The following THNSL1 variants were observed in gnomAD, a reference collection of about 807,000 sequenced individuals.
THNSL1 encodes the protein threonine synthase-like 1.
In THNSL1, 48 loss-of-function variants were observed where a neutral mutation model predicts 50.4. That is an observed-to-expected ratio of 0.95 (90% confidence interval 0.76 to 1.21). The LOEUF is 1.21. Among genes scored for constraint, THNSL1 ranks in the 50% most tolerant of loss-of-function variants. The pLI is 0.00. For missense variants in THNSL1, 896 were observed against 871.7 expected, an observed-to-expected ratio of 1.03 and a Z score of -0.35; for synonymous variants, 309 against 306.1, an observed-to-expected ratio of 1.01 and a Z score of -0.10.
the THNSL1 span, among the ~76,000 whole-genome samples, chr10:24,973,223 T>C: frequency 1.3e-5 from 2 of 152,102 alleles, no homozygotes; most frequent in African/African-American, 2.4e-5. Flanking sequence ...TCCTGCACTT[T>C]GGAGACATTA....
At chr10:24,994,351 T>C in the THNSL1 span, among the ~76,000 whole-genome samples, 6 of 150,706 alleles carry the variant, frequency 4.0e-5, no homozygotes, top group South Asian at 6.3e-4. Flanking sequence ...TTTTTTTTTT[T>C]GACACCGAGT....
the THNSL1 span, among the ~76,000 whole-genome samples, chr10:24,992,839 C>T: frequency 3.3e-5 from 5 of 152,272 alleles, no homozygotes; most frequent in African/African-American, 4.8e-5. Flanking sequence ...CTCTGGGAGG[C>T]CAGTATTCTG....
chr10:25,024,971 A>G lies in THNSL1; in HGVS notation c.1748A>G (p.Asp583Gly). ...ERHLHLMANK[D>G]GQLMTELFNR... is the part of the protein sequence containing the mutation. ...CATTTACACTTGATGGCTAATAAAG[A>G]TGGACAGCTAATGACAGAATTATTT... The change falls in exon 3 of 3, where the codon GAT becomes GGT. Residue 583 changes from aspartate to glycine, a missense_variant. Transcript: ENST00000376356. 1 of 1,614,206 alleles carries G rather than the reference A, an allele frequency of 6.2e-7. No homozygotes were observed. Among genetic ancestry groups the G allele is most frequent in the Admixed American group, 1.7e-5 (1 of 60,036 alleles).
the THNSL1 span, among the ~76,000 whole-genome samples, chr10:24,963,111 C>T: frequency 6.6e-6 from 1 of 152,196 alleles, no homozygotes; most frequent in Non-Finnish European, 1.5e-5. Context: ...CCACAGAGTA[C>T]AGCTGACACC....
At chr10:24,952,873 C>A in the THNSL1 span, among the ~76,000 whole-genome samples, 11 of 151,758 alleles carry the variant, frequency 7.2e-5, no homozygotes, top group Non-Finnish European at 1.6e-4. This position sits in a 1 kb window ranked among gnomAD's most constrained non-coding sequence, Gnocchi z 5.1. Flanking sequence ...CCGCCGCTGT[C>A]GCCGCCGCCC....
At chr10:24,966,308 T>C in the THNSL1 span, among the ~76,000 whole-genome samples, 3 of 152,212 alleles carry the variant, frequency 2.0e-5, no homozygotes, top group Non-Finnish European at 4.4e-5. Flanking sequence ...AATAATAAAG[T>C]GGCTAATAAA....
At chr10:25,002,812 T>C in the THNSL1 span, among the ~76,000 whole-genome samples, 3 of 152,112 alleles carry the variant, frequency 2.0e-5, no homozygotes, top group Non-Finnish European at 4.4e-5. Context: ...ATGAGCTCAT[T>C]AGATAGTTTC....
the THNSL1 span, among the ~76,000 whole-genome samples, chr10:24,992,755 A>T: frequency 6.6e-6 from 1 of 152,200 alleles, no homozygotes; most frequent in East Asian, 1.9e-4. Flanking sequence ...AACTTAACCC[A>T]TCCTGACTGA....
chr10:24,989,574 A>G, the THNSL1 span, among the ~76,000 whole-genome samples: 2 of 152,194 alleles, frequency 1.3e-5, no homozygotes, highest in African/African-American at 2.4e-5. Flanking sequence ...AAATTGCACA[A>G]TACTCCACTG....
chr10:24,984,674 T>C, the THNSL1 span: 1 of 1,470,822 alleles, frequency 6.8e-7, no homozygotes, highest in Non-Finnish European at 9.1e-7. Flanking sequence ...TGGAGTTTTT[T>C]ATATTTTCCA....
At chr10:24,973,684 G>A in the THNSL1 span, among the ~76,000 whole-genome samples, 1 of 152,038 alleles carries the variant, frequency 6.6e-6, no homozygotes, top group Non-Finnish European at 1.5e-5. Flanking sequence ...TATAAAATTC[G>A]AAGAGAGAAG....
chr10:24,983,089 CAG>C, the THNSL1 span: 1 of 152,200 alleles, frequency 6.6e-6, no homozygotes, highest in Non-Finnish European at 1.5e-5. Flanking sequence ...CCTGGATCAA[CAG>C]AGTCACCAGA....
At chr10:25,001,536 G>T in the THNSL1 span, among the ~76,000 whole-genome samples, 2 of 152,032 alleles carry the variant, frequency 1.3e-5, no homozygotes, top group East Asian at 3.9e-4. Flanking sequence ...AAGCCTCATT[G>T]ATTCTCTGCT....
At chr10:25,001,763 C>T in the THNSL1 span, among the ~76,000 whole-genome samples, 1 of 152,090 alleles carries the variant, frequency 6.6e-6, no homozygotes, top group East Asian at 1.9e-4. Context: ...CTTTCTTCTA[C>T]CTTTTGAATA....
chr10:24,964,616 T>G, the THNSL1 span, among the ~76,000 whole-genome samples: 1 of 152,214 alleles, frequency 6.6e-6, no homozygotes. Flanking sequence ...CGTCCAAGAT[T>G]CATTGATATT....
the THNSL1 span, among the ~76,000 whole-genome samples, chr10:24,955,164 G>C: frequency 1.3e-5 from 2 of 152,304 alleles, no homozygotes; most frequent in African/African-American, 4.8e-5. Context: ...GAGAGAGCAA[G>C]GGTGTAGTGC....
chr10:25,019,659 A>G (rs1819907199), intron 1 of THNSL1, among the ~76,000 whole-genome samples: 3 of 152,352 alleles, frequency 2.0e-5, no homozygotes, highest in East Asian at 1.9e-4. Context: ...TATATAAAGG[A>G]CTTGCACATC....
chr10:24,979,305 AC>A, the THNSL1 span, among the ~76,000 whole-genome samples: 3 of 152,232 alleles, frequency 2.0e-5, no homozygotes, highest in Non-Finnish European at 2.9e-5. Flanking sequence ...AATGGCATTA[AC>A]ATATCTAGAA....
the THNSL1 span, among the ~76,000 whole-genome samples, chr10:24,993,545 C>T: frequency 6.6e-6 from 1 of 152,168 alleles, no homozygotes; most frequent in African/African-American, 2.4e-5. Flanking sequence ...TCACTTGGAG[C>T]TGAAATGGGA....
Sources: gnomAD v4.1 joint callset for allele counts (sites outside exome capture counted in the v4.1 genomes callset) on GRCh38, gnomAD v4.1.1 for gene constraint, Gnocchi (gnomAD v3.1) non-coding constraint, MANE v1.5 for transcripts, NCBI Gene and HGNC (gene_info 2026-07-23, HGNC 2026-07-21) for gene names.